CNTNAP3: variants seen among roughly 807,000 people sequenced by gnomAD.
CNTNAP3 encodes the protein contactin-associated protein-like 3.
CNTNAP3 carries 36 observed loss-of-function variants against 92.1 expected under a neutral mutation model. The observed-to-expected ratio is 0.39, with a 90% CI of 0.30 to 0.52. The LOEUF (loss-of-function observed/expected upper bound fraction) is 0.52. Among genes scored for constraint, CNTNAP3 ranks in the 20% least tolerant of loss-of-function variants. CNTNAP3 has a pLI of 0.76. For missense variants in CNTNAP3, 534 were observed against 1,069.6 expected, an observed-to-expected ratio of 0.50 and a Z score of 6.98; for synonymous variants, 232 against 422.3, an observed-to-expected ratio of 0.55 and a Z score of 5.53.
intron 15 of CNTNAP3, chr9:39,106,346 AGTGGCAT>A (rs1225492124): frequency 2.0e-5 from 3 of 152,120 alleles, no homozygotes; most frequent in African/African-American, 7.2e-5. Context: ...GCTGGAGTGC[AGTGGCAT>A]GATCATAGTT....
At chr9:39,099,301 C>T (rs1460402902) in intron 18 of CNTNAP3, among the ~76,000 whole-genome samples, 4 of 152,158 alleles carry the variant, frequency 2.6e-5, no homozygotes, top group Non-Finnish European at 5.9e-5. Flanking sequence ...CTGTGTGATA[C>T]CCCACTGCAC....
At chr9:39,136,660 G>A (rs867901267) in intron 12 of CNTNAP3, among the ~76,000 whole-genome samples, 3 of 152,142 alleles carry the variant, frequency 2.0e-5, no homozygotes, top group Admixed American at 6.5e-5. Context: ...CAGCACTTTG[G>A]GAGGCTGAGG....
Position 39,133,012 on chromosome 9 carries a change from C to T in CNTNAP3, c.2000G>A (p.Arg667Gln), listed in dbSNP as rs1352396727. Residue 667 changes from arginine to glutamine, a missense_variant, in exon 13 of 24, where the codon CGG becomes CAG. Physicochemically the swap from Arg to Gln is conservative, Grantham distance 43. Transcript: ENST00000297668. ...GCGCTCCGCCAGGTTCACCGCGGAC[C>T]GCAGCTGCCCCGCGCCCGCTGCGTA... ...FAYAAGAGQL[R>Q]SAVNLAERCE... 13 of 1,539,048 alleles carry T rather than the reference C, an allele frequency of 8.4e-6. No individual in the cohort carries two copies. In the East Asian group the frequency reaches 2.9e-4, roughly 34 times the overall value.
intron 16 of CNTNAP3, among the ~76,000 whole-genome samples, chr9:39,103,199 T>C (rs1826507690): frequency 6.6e-6 from 1 of 152,292 alleles, no homozygotes; most frequent in African/African-American, 2.4e-5. Flanking sequence ...GGTTTAAAGC[T>C]CTGGCTCTGC....
intron 13 of CNTNAP3, among the ~76,000 whole-genome samples, chr9:39,131,903 C>T (rs10974163): frequency 0.076 from 10,925 of 143,772 alleles, 563 homozygotes; most frequent in African/African-American, 0.12. Flanking sequence ...TATGGGTTAG[C>T]GGATCAGCGC....
rs750051915 is a variant in CNTNAP3 at position 39,133,069 on chromosome 9, C to A, written c.1943G>T (p.Ser648Ile). Residue 648 changes from serine (S) to isoleucine (I), a missense_variant, in exon 13 of 24, where the codon AGC (serine) becomes ATC (isoleucine). Ser to Ile is a moderately radical substitution (Grantham distance 142, BLOSUM62 -2). Transcript: ENST00000297668. ...PDAVTLRGAP[S>I]GHPRSAVSFA... ...GGACACAGCCGAGCGCGGGTGCCCG[C>A]TGGGGGCACCTCGGAGGGTCACCGC... The A allele has an allele frequency of 6.4e-6, 10 of 1,560,656 alleles. No individual in the cohort carries two copies. In the Admixed American group the frequency reaches 1.9e-4, roughly 30 times the overall value.
In CNTNAP3 at chr9:39,118,416, C is replaced by T. The variant is rs540318579; in HGVS notation, c.2081-157G>A. On this transcript the variant is annotated intron_variant, in intron 13 of 23. Coordinates refer to ENST00000297668, the MANE Select transcript of CNTNAP3 (RefSeq NM_033655.5). ...AAATACTTGTATTTTACCTCTGAAACGTTTATTTAAGCCTAACCAATGTTT... is the reference window on the plus strand; with the variant it reads ...AAATACTTGTATTTTACCTCTGAAATGTTTATTTAAGCCTAACCAATGTTT... Among the ~76,000 whole-genome samples the T allele has an allele frequency of 1.4e-4, 22 of 152,198 alleles. 1 individual carries two copies. In the South Asian group the frequency reaches 2.9e-3, roughly 20 times the overall value.
chr9:39,149,052 T>G (rs1821775701), intron 10 of CNTNAP3, among the ~76,000 whole-genome samples: 1 of 151,518 alleles, frequency 6.6e-6, no homozygotes, highest in South Asian at 2.1e-4. Context: ...TATTTCATTA[T>G]GTCCTTCTGC....
At chr9:39,093,193 C>T (rs1396749994) in intron 18 of CNTNAP3, among the ~76,000 whole-genome samples, 12 of 119,946 alleles carry the variant, frequency 1.0e-4, no homozygotes, top group African/African-American at 1.2e-4. Context: ...GTTGCTCAAT[C>T]GATGAACATT....
chr9:39,131,133 T>C (rs1821283622), intron 13 of CNTNAP3, among the ~76,000 whole-genome samples: 1 of 149,862 alleles, frequency 6.7e-6, no homozygotes, highest in Non-Finnish European at 1.5e-5. Context: ...TTTAAACAAT[T>C]CCAAAGCCAA....
intron 21 of CNTNAP3, among the ~76,000 whole-genome samples, chr9:39,084,212 T>G (rs893270872): frequency 3.5e-5 from 5 of 142,688 alleles, no homozygotes; most frequent in African/African-American, 5.1e-5. Flanking sequence ...TTTTTTTTTT[T>G]TTTTGAGACA....
intron 13 of CNTNAP3, among the ~76,000 whole-genome samples, chr9:39,131,259 T>A (rs1402109713): frequency 6.6e-6 from 1 of 152,178 alleles, no homozygotes; most frequent in African/African-American, 2.4e-5. Context: ...TTATGTAAGC[T>A]ATCTCATTTA....
intron 14 of CNTNAP3, among the ~76,000 whole-genome samples, chr9:39,116,095 T>G (rs1176586474): frequency 1.3e-5 from 2 of 151,304 alleles, no homozygotes; most frequent in East Asian, 3.9e-4. Context: ...CAGGTTGCAG[T>G]GAGCTGAGAT....
At chr9:39,127,502 G>A (rs1275428657) in intron 13 of CNTNAP3, among the ~76,000 whole-genome samples, 1 of 152,072 alleles carries the variant, frequency 6.6e-6, no homozygotes, top group East Asian at 1.9e-4. Context: ...CTAAAAAACA[G>A]TAAGATTGAA....
chr9:39,068,283 G>A lies in CNTNAP3; in HGVS notation c.*5607C>T, dbSNP rs1825555858. 6.6e-6 allele frequency among the ~76,000 whole-genome samples: 1 copy of A among 152,094 alleles called. No homozygotes were observed. The highest frequency in any genetic ancestry group is 2.4e-5 in the African/African-American group (1 of 41,442). ...AAAAAAAAATTAGCTGGGCATGTTG[G>A]CTTGTGCCTGTAGTCCCAGCTACTC... On this transcript the variant is annotated 3_prime_UTR_variant, in exon 24 of 24. Coordinates refer to ENST00000297668, the MANE Select transcript of CNTNAP3 (RefSeq NM_033655.5).
chr9:39,140,757 G>C lies in CNTNAP3; in HGVS notation c.1757-119C>G, dbSNP rs1758288. The C allele has an allele frequency of 3.2e-4, 460 of 1,420,972 alleles. 2 individuals are homozygous for C. The highest frequency in any genetic ancestry group is 4.1e-4 in the Non-Finnish European group (446 of 1,076,270). The allele number at this position is 1,420,972 out of a possible 1,614,324, so 88.0% of individuals were successfully genotyped here. A position where few individuals can be genotyped will look rare whatever the true frequency, so the allele number is the denominator to read the frequency against. ...GATACATATGACCCAACATCATTTT[G>C]ATAGTGTATGACAGTATATTTGATG... On this transcript the variant is annotated intron_variant, in intron 11 of 23. Transcript: ENST00000297668.
At chr9:39,081,541 T>G (rs1437672551) in intron 21 of CNTNAP3, among the ~76,000 whole-genome samples, 1 of 150,962 alleles carries the variant, frequency 6.6e-6, no homozygotes, top group Non-Finnish European at 1.5e-5. Context: ...ATATGTATTT[T>G]GGCAGAAGAG....
chr9:39,174,654 C>T (rs948382011), intron 7 of CNTNAP3: 12 of 688,090 alleles, frequency 1.7e-5, no homozygotes, highest in Non-Finnish European at 3.3e-5. Flanking sequence ...TTAACCCCAA[C>T]TTGGATATTT....
At position 39,068,260 on chromosome 9, in the gene CNTNAP3, A is replaced by T. The variant is rs1825555215; in HGVS notation, c.*5630T>A. On this transcript the variant is annotated 3_prime_UTR_variant, in exon 24 of 24. Transcript: ENST00000297668. Reference sequence around the variant, plus strand: ...TAAAAATACAAAAAAAAAAAAAAAAAAAAAAATTAGCTGGGCATGTTGGCT... The same window carrying T: ...TAAAAATACAAAAAAAAAAAAAAAATAAAAAATTAGCTGGGCATGTTGGCT... Among the ~76,000 whole-genome samples, 1 of 125,770 alleles carries T rather than the reference A, an allele frequency of 8.0e-6. No homozygotes were observed. Among genetic ancestry groups the T allele is most frequent in the Non-Finnish European group, 1.7e-5 (1 of 58,072 alleles). The allele number at this position is 125,770 out of a possible 152,430, so 82.5% of individuals were successfully genotyped here.
Sources: allele counts gnomAD v4.1 joint callset (sites outside exome capture counted in the v4.1 genomes callset), GRCh38; gene constraint gnomAD v4.1.1; transcripts MANE v1.5; gene names NCBI Gene and HGNC (gene_info 2026-07-23, HGNC 2026-07-21).